ICOS: variants seen among roughly 807,000 people sequenced by gnomAD.
ICOS encodes inducible T cell costimulator.
A neutral mutation model predicts 24.6 loss-of-function variants in ICOS; 15 were observed. The observed-to-expected ratio is 0.61, with a 90% CI of 0.41 to 0.94. The LOEUF (loss-of-function observed/expected upper bound fraction) is 0.94, where lower values mean the gene tolerates loss of function less well. Among genes scored for constraint, ICOS ranks in the 40% least tolerant of loss-of-function variants. ICOS has a pLI of 0.00. For missense variants in ICOS, 200 were observed against 233.0 expected (o/e 0.86, Z 0.92); for synonymous variants, 89 against 77.5 (o/e 1.15, Z -0.78).
At chr2:203,937,673 CAAAT>C (rs1391963013) in intron 1 of ICOS, among the ~76,000 whole-genome samples, 2 of 151,788 alleles carry the variant, frequency 1.3e-5, no homozygotes. Flanking sequence ...CTTAAATAAT[CAAAT>C]AAACTAAAAG....
At chr2:203,951,321 A>C (rs1689969566) in intron 1 of ICOS, among the ~76,000 whole-genome samples, 1 of 152,220 alleles carries the variant, frequency 6.6e-6, no homozygotes, top group Non-Finnish European at 1.5e-5. Context: ...ACCCAACAGC[A>C]AAGAATTAGC....
At chr2:203,947,812 C>T (rs1279839918) in intron 1 of ICOS, among the ~76,000 whole-genome samples, 2 of 152,136 alleles carry the variant, frequency 1.3e-5, no homozygotes, top group African/African-American at 4.8e-5. Context: ...AGACTCATCA[C>T]CAGGATCCAA....
Position 203,959,676 on chromosome 2 carries a change from C to A in ICOS, c.*77C>A. 7.4e-7 allele frequency: 1 copy of A among 1,347,340 alleles called. No homozygotes were observed. Among genetic ancestry groups the A allele is most frequent in the Non-Finnish European group, 1.1e-6 (1 of 938,390 alleles). The allele number at this position is 1,347,340 out of a possible 1,614,324, so 83.5% of individuals were successfully genotyped here. A position where few individuals can be genotyped will look rare whatever the true frequency, so the allele number is the denominator to read the frequency against. ...TTGAAGTGCAAGATTCTCTTATTTC[C>A]GGGACCACGGAGAGTCTGACTTAAC... On this transcript the variant is annotated 3_prime_UTR_variant, in exon 5 of 5. Coordinates refer to ENST00000316386, the MANE Select transcript of ICOS (RefSeq NM_012092.4).
rs10168571 is a variant in ICOS at position 203,944,785 on chromosome 2, A to G, written c.58+7913A>G. The stretch of plus-strand genomic sequence containing the variant: ...TAAAATATACTGGCCTAAACAAAGT[A>G]TTATTGGGAGCATAGAAATAAGAGT... On this transcript the variant is annotated intron_variant, in intron 1 of 4. Coordinates refer to ENST00000316386, the MANE Select transcript of ICOS (RefSeq NM_012092.4). Among the ~76,000 whole-genome samples, 1,014 of 152,330 alleles carry G rather than the reference A, an allele frequency of 6.7e-3. 24 individuals are homozygous for G. The highest frequency in any genetic ancestry group is 0.023 in the African/African-American group (970 of 41,572).
intron 1 of ICOS, among the ~76,000 whole-genome samples, chr2:203,937,878 A>C (rs968029337): frequency 5.3e-5 from 8 of 152,228 alleles, no homozygotes; most frequent in Non-Finnish European, 1.0e-4. Flanking sequence ...AATGAGCACA[A>C]GGACAGTTTT....
chr2:203,957,711 C>A (rs561515783), intron 3 of ICOS, 88 bp from the exon 4 acceptor site: 30 of 962,246 alleles, frequency 3.1e-5, no homozygotes, highest in Admixed American at 5.2e-5. Flanking sequence ...TTGTCACATA[C>A]CACTTCAACA....
chr2:203,956,210 A>G (rs1051553739), intron 2 of ICOS, among the ~76,000 whole-genome samples: 3 of 152,174 alleles, frequency 2.0e-5, no homozygotes, highest in African/African-American at 7.2e-5. Context: ...AATAGATCAT[A>G]TTGCCTTTTA....
chr2:203,948,473 C>T lies in ICOS; in HGVS notation c.59-7163C>T, dbSNP rs1032762401. ...CATCTCCTCAGATTTAAAATGTCAC[C>T]GTCTATATATTCATTTGTTCGCCCA... On this transcript the variant is annotated intron_variant, in intron 1 of 4. Coordinates refer to ENST00000316386, the MANE Select transcript of ICOS (RefSeq NM_012092.4). 3.9e-5 allele frequency among the ~76,000 whole-genome samples: 6 copies of T among 152,076 alleles called. No homozygotes were observed. The East Asian group carries it at 9.6e-4, about 24-fold the overall frequency.
At chr2:203,938,245 G>C (rs112936729) in intron 1 of ICOS, among the ~76,000 whole-genome samples, 104 of 152,344 alleles carry the variant, frequency 6.8e-4, no homozygotes, top group Non-Finnish European at 1.0e-3. Flanking sequence ...AGGGTTCATT[G>C]AAGTCTTTCC....
chr2:203,946,409 ATT>A lies in ICOS; in HGVS notation c.59-9215_59-9214del, dbSNP rs10715081. 9.2e-3 allele frequency among the ~76,000 whole-genome samples: 1,227 copies of A among 133,558 alleles called. 16 individuals carry two copies. Among genetic ancestry groups the A allele is most frequent in the African/African-American group, 0.029 (1,053 of 36,512 alleles). The allele number at this position is 133,558 out of a possible 152,430, so 87.6% of individuals were successfully genotyped here. A position where few individuals can be genotyped will look rare whatever the true frequency, so the allele number is the denominator to read the frequency against. On this transcript the variant is annotated intron_variant, in intron 1 of 4. Coordinates refer to ENST00000316386, the MANE Select transcript of ICOS (RefSeq NM_012092.4). The stretch of plus-strand genomic sequence containing the variant: ...TTTTCTCCTCACTTTTCTTCTTCCC[ATT>A]TTTTTTTTTTTGCTTTCTTTTTTTT...
At chr2:203,941,572 A>G (rs1053789399) in intron 1 of ICOS, among the ~76,000 whole-genome samples, 1 of 152,234 alleles carries the variant, frequency 6.6e-6, no homozygotes, top group Admixed American at 6.5e-5. Flanking sequence ...TTTATATGCA[A>G]AATGACTTAC....
intron 1 of ICOS, among the ~76,000 whole-genome samples, chr2:203,938,950 C>T (rs191289703): frequency 2.4e-4 from 37 of 152,284 alleles, no homozygotes; most frequent in Non-Finnish European, 4.9e-4. Context: ...CTCCACAATG[C>T]ATGTATCCAG....
intron 4 of ICOS, 144 bp from the exon 5 acceptor site, chr2:203,959,442 T>G: frequency 1.4e-6 from 1 of 731,710 alleles, no homozygotes; most frequent in Non-Finnish European, 2.5e-6. Context: ...TGAGTTTGCA[T>G]GGTGTGTGTG....
rs1224949624 is a variant in ICOS, at chr2:203,960,322, T to C, written c.*723T>C. On this transcript the variant is annotated 3_prime_UTR_variant, in exon 5 of 5. Transcript: ENST00000316386. ...GCTGCTCAATAGTTTTATATATCTA[T>C]GCATACATATATACACACATATGTA... 2 of 154,852 alleles carry C rather than the reference T, an allele frequency of 1.3e-5. No homozygotes were observed. The highest frequency in any genetic ancestry group is 2.9e-5 in the Non-Finnish European group (2 of 69,702). 9.6% of individuals were successfully genotyped at this position (154,852 alleles called of 1,614,324 possible).
Position 203,956,780 on chromosome 2 carries a change from T to C in ICOS, c.501+15T>C. On this transcript the variant is annotated intron_variant, in intron 3 of 4. Transcript: ENST00000316386. ...TTACAAAAAAGGTAAGCGATTTCTATCTTTCCTTGTATCTGCTTTACAGAT... is the reference window on the plus strand; with the variant it reads ...TTACAAAAAAGGTAAGCGATTTCTACCTTTCCTTGTATCTGCTTTACAGAT... The C allele has an allele frequency of 6.7e-7, 1 of 1,494,906 alleles. No individual in the cohort carries two copies. The highest frequency in any genetic ancestry group is 9.3e-7 in the Non-Finnish European group (1 of 1,071,666). The allele number at this position is 1,494,906 out of a possible 1,614,324, so 92.6% of individuals were successfully genotyped here.
rs1290536211 is a variant in ICOS at position 203,943,313 on chromosome 2, G to A, written c.58+6441G>A. Among the ~76,000 whole-genome samples the A allele has an allele frequency of 2.4e-5, 3 of 122,736 alleles. No individual in the cohort carries two copies. In the East Asian group the frequency reaches 7.4e-4, roughly 30 times the overall value. The allele number at this position is 122,736 out of a possible 152,430, so 80.5% of individuals were successfully genotyped here. ...TCAGAGGGGAGGTCTAGGGCTGAAG[G>A]CTGTTCTTCAGATTTTTTTTTTGTC... On this transcript the variant is annotated intron_variant, in intron 1 of 4. Coordinates refer to ENST00000316386, the MANE Select transcript of ICOS (RefSeq NM_012092.4).
At chr2:203,940,279 A>G (rs748501066) in intron 1 of ICOS, among the ~76,000 whole-genome samples, 9 of 152,158 alleles carry the variant, frequency 5.9e-5, no homozygotes, top group Admixed American at 2.0e-4. Context: ...TTGTGGAAAT[A>G]ATTTAAAACT....
intron 3 of ICOS, among the ~76,000 whole-genome samples, chr2:203,957,543 A>G (rs1427135625): frequency 1.3e-5 from 2 of 152,194 alleles, no homozygotes; most frequent in East Asian, 3.8e-4. Flanking sequence ...AAGGAAGAGA[A>G]TGAGATAGCG....
At chr2:203,950,151 A>G (rs1379472552) in intron 1 of ICOS, among the ~76,000 whole-genome samples, 4 of 152,224 alleles carry the variant, frequency 2.6e-5, no homozygotes, top group East Asian at 1.9e-4. Context: ...AAGAAAAGAA[A>G]TGTATTTCTT....
Sources: allele counts gnomAD v4.1 joint callset (sites outside exome capture counted in the v4.1 genomes callset), GRCh38; gene constraint gnomAD v4.1.1; transcripts MANE v1.5; gene names NCBI Gene and HGNC (gene_info 2026-07-23, HGNC 2026-07-21).